The following TMEM232 variants were observed in gnomAD, a reference collection of about 807,000 sequenced individuals.
TMEM232 encodes the protein transmembrane protein 232.
Under a neutral mutation model 78.8 loss-of-function variants are expected in TMEM232, and 80 were observed. The ratio of observed to expected loss-of-function variants is 1.01; its 90% CI spans 0.85 to 1.22. The LOEUF (loss-of-function observed/expected upper bound fraction) is 1.22, where lower values mean the gene tolerates loss of function less well. Among genes scored for constraint, TMEM232 ranks in the 50% most tolerant of loss-of-function variants. The pLI is 0.00. For synonymous variants in TMEM232, 297 were observed against 254.3 expected (o/e 1.17, Z -1.60); for missense variants, 881 against 742.2 (o/e 1.19, Z -2.17).
intron 2 of TMEM232, among the ~76,000 whole-genome samples, chr5:110,408,349 T>C (rs1398497034): frequency 6.6e-6 from 1 of 152,156 alleles, no homozygotes; most frequent in Non-Finnish European, 1.5e-5. Flanking sequence ...CCCAGCACTT[T>C]GGCAGGCCAA....
chr5:110,449,523 T>A (rs888963885), intron 12 of TMEM232, among the ~76,000 whole-genome samples: 1 of 127,172 alleles, frequency 7.9e-6, no homozygotes, highest in Non-Finnish European at 1.6e-5. Flanking sequence ...TTGCTGAGAC[T>A]TTTTTTTTTT....
At chr5:110,444,378 C>T (rs1242014073) in intron 12 of TMEM232, among the ~76,000 whole-genome samples, 1 of 152,148 alleles carries the variant, frequency 6.6e-6, no homozygotes, top group African/African-American at 2.4e-5. Context: ...TAAAGTCCCC[C>T]AGTCACTGAG....
intron 13 of TMEM232, among the ~76,000 whole-genome samples, chr5:110,423,352 A>G (rs1410949756): frequency 2.6e-5 from 4 of 152,216 alleles, no homozygotes; most frequent in Admixed American, 1.3e-4. Context: ...GGTTGTGAGG[A>G]TTAAATTAAC....
chr5:110,410,804 C>A (rs1310297355), intron 2 of TMEM232, among the ~76,000 whole-genome samples: 1 of 152,096 alleles, frequency 6.6e-6, no homozygotes, highest in Non-Finnish European at 1.5e-5. Context: ...GGTGGGTCAA[C>A]TGGTTTGAGT....
intron 10 of TMEM232, 90 bp from the exon 11 acceptor site, chr5:110,568,715 A>C: frequency 8.3e-7 from 1 of 1,204,660 alleles, no homozygotes; most frequent in Non-Finnish European, 1.1e-6. Flanking sequence ...CAATTTTACT[A>C]TAATTCATAA....
intron 1 of TMEM232, among the ~76,000 whole-genome samples, chr5:110,714,171 A>C (rs1796783999): frequency 6.6e-6 from 1 of 152,162 alleles, no homozygotes; most frequent in African/African-American, 2.4e-5. Flanking sequence ...ATAATTTGGC[A>C]AGTTGGAACT....
chr5:110,733,218 G>T (rs754616365), intron 2 of TMEM232, among the ~76,000 whole-genome samples: 2 of 152,052 alleles, frequency 1.3e-5, no homozygotes, highest in Non-Finnish European at 1.5e-5. Context: ...AGTGAAAAGG[G>T]AACAAACTCT....
At chr5:110,492,262 G>A (rs964973317) in intron 12 of TMEM232, among the ~76,000 whole-genome samples, 1 of 151,614 alleles carries the variant, frequency 6.6e-6, no homozygotes, top group African/African-American at 2.4e-5. Context: ...ATTATTAACA[G>A]AAAGGAAAAT....
chr5:110,439,569 T>C (rs1350794306), intron 12 of TMEM232, among the ~76,000 whole-genome samples: 1 of 151,992 alleles, frequency 6.6e-6, no homozygotes, highest in African/African-American at 2.4e-5. Flanking sequence ...TCTCAGACAC[T>C]AGCTTCTACA....
At chr5:110,605,657 T>C (rs563283258) in intron 9 of TMEM232, among the ~76,000 whole-genome samples, 3 of 152,168 alleles carry the variant, frequency 2.0e-5, no homozygotes, top group East Asian at 3.8e-4. Flanking sequence ...CCTTTTGATA[T>C]ACAACTCCAT....
At chr5:110,639,692 C>T (rs1786392956) in intron 4 of TMEM232, among the ~76,000 whole-genome samples, 1 of 152,182 alleles carries the variant, frequency 6.6e-6, no homozygotes, top group Non-Finnish European at 1.5e-5. Context: ...CATGTGACTA[C>T]CCCTAATCAA....
intron 12 of TMEM232, among the ~76,000 whole-genome samples, chr5:110,523,609 T>C (rs984443799): frequency 6.6e-6 from 1 of 152,090 alleles, no homozygotes; most frequent in African/African-American, 2.4e-5. Flanking sequence ...TGCCTAATTT[T>C]AAAAAAATTA....
chr5:110,706,410 TA>T (rs1795936810), intron 1 of TMEM232, among the ~76,000 whole-genome samples: 1 of 152,158 alleles, frequency 6.6e-6, no homozygotes, highest in African/African-American at 2.4e-5. Context: ...TATTATTGAT[TA>T]TTTTTCTAAT....
At chr5:110,707,792 G>C (rs1402777085) in intron 1 of TMEM232, among the ~76,000 whole-genome samples, 1 of 152,136 alleles carries the variant, frequency 6.6e-6, no homozygotes, top group Non-Finnish European at 1.5e-5. Flanking sequence ...AAGAGTAAAG[G>C]GGACTTTGTC....
intron 10 of TMEM232, among the ~76,000 whole-genome samples, chr5:110,592,636 ACAT>A (rs1779664586): frequency 6.6e-6 from 1 of 152,308 alleles, no homozygotes; most frequent in Admixed American, 6.5e-5. Context: ...CATAAGAAAG[ACAT>A]CAGTGAAAGC....
chr5:110,685,568 A>T (rs1199852955), intron 1 of TMEM232, among the ~76,000 whole-genome samples: 1 of 152,158 alleles, frequency 6.6e-6, no homozygotes, highest in East Asian at 1.9e-4. Flanking sequence ...CAGTGAAAAT[A>T]AGCTATAACA....
intron 10 of TMEM232, among the ~76,000 whole-genome samples, chr5:110,587,047 G>C (rs1305801510): frequency 2.0e-5 from 3 of 152,034 alleles, no homozygotes; most frequent in Non-Finnish European, 2.9e-5. Flanking sequence ...TAATAAAGCA[G>C]TATTAGACAA....
At chr5:110,523,860 T>C (rs1460359374) in intron 12 of TMEM232, among the ~76,000 whole-genome samples, 1 of 142,984 alleles carries the variant, frequency 7.0e-6, no homozygotes, top group Admixed American at 7.1e-5. Context: ...ACTCAGGAGG[T>C]TGAGGTGGGA....
chr5:110,680,985 G>A (rs1414374634), intron 1 of TMEM232, among the ~76,000 whole-genome samples: 1 of 151,926 alleles, frequency 6.6e-6, no homozygotes, highest in African/African-American at 2.4e-5. Flanking sequence ...GAAAAGAGAA[G>A]GGTGAGGGCA....
Sources: gnomAD v4.1 joint callset for allele counts (sites outside exome capture counted in the v4.1 genomes callset) on GRCh38, gnomAD v4.1.1 for gene constraint, MANE v1.5 for transcripts, NCBI Gene and HGNC (gene_info 2026-07-23, HGNC 2026-07-21) for gene names.